The following DENND1A variants were observed in gnomAD, a reference collection of about 807,000 sequenced individuals.
DENND1A encodes DENN domain containing 1A.
In DENND1A, 51 loss-of-function variants were observed where a neutral mutation model predicts 113.7. That is an observed-to-expected ratio of 0.45 (90% confidence interval 0.36 to 0.57). DENND1A has a LOEUF of 0.57. Ranked by LOEUF, DENND1A falls within the 20% of genes least tolerant of loss-of-function variation. The pLI is 0.00. For missense variants in DENND1A, 1,258 were observed against 1,395.9 expected (o/e 0.90, Z 1.57); for synonymous variants, 565 against 570.8 (o/e 0.99, Z 0.14).
At chr9:123,789,186 C>T (rs1328482230) in intron 3 of DENND1A, among the ~76,000 whole-genome samples, 8 of 151,400 alleles carry the variant, frequency 5.3e-5, no homozygotes, top group Non-Finnish European at 2.9e-5. Flanking sequence ...TTGAGTGCTA[C>T]AGTGATTTAA....
At chr9:123,912,481 T>C (rs1854188258) in intron 1 of DENND1A, among the ~76,000 whole-genome samples, 1 of 152,070 alleles carries the variant, frequency 6.6e-6, no homozygotes. Flanking sequence ...GGGCAGCTAA[T>C]AAGTCAAAAA....
In DENND1A at chr9:123,381,008, C is replaced by G. The variant is rs7869767; in HGVS notation, c.*424G>C. The stretch of plus-strand genomic sequence containing the variant: ...GGAGGGTAACCCTGTCACCTGTGTC[C>G]GAGGAGGTGGGCGTGCAGGGCCTGG... On this transcript the variant is annotated 3_prime_UTR_variant, in exon 24 of 24. Coordinates refer to ENST00000394215, the MANE Select transcript of DENND1A (RefSeq NM_001352964.2). The surrounding 1 kb of genome is among the most constrained non-coding windows in gnomAD (Gnocchi z 4.7). 1 of 203,754 alleles carries G rather than the reference C, an allele frequency of 4.9e-6. No individual in the cohort carries two copies. The highest frequency in any genetic ancestry group is 1.0e-5 in the Non-Finnish European group (1 of 100,336). The allele number at this position is 203,754 out of a possible 1,614,324, so 12.6% of individuals were successfully genotyped here.
At chr9:123,902,272 A>G (rs1851795300) in intron 1 of DENND1A, among the ~76,000 whole-genome samples, 1 of 152,134 alleles carries the variant, frequency 6.6e-6, no homozygotes, top group African/African-American at 2.4e-5. Flanking sequence ...CTCTTGAATT[A>G]AAATTAGTTA....
At chr9:123,440,631 G>A (rs2046861271) in intron 18 of DENND1A, 140 bp from the exon 19 acceptor site, 2 of 1,179,400 alleles carry the variant, frequency 1.7e-6, no homozygotes, top group East Asian at 3.1e-5. Flanking sequence ...TGGAGGGAAT[G>A]GAGGGCTAAC....
chr9:123,631,450 C>T (rs1309910555), intron 9 of DENND1A, among the ~76,000 whole-genome samples: 1 of 152,122 alleles, frequency 6.6e-6, no homozygotes, highest in African/African-American at 2.4e-5. Context: ...GCAAAGAATA[C>T]CCAGCCTTTG....
chr9:123,413,352 T>C, intron 19 of DENND1A: 6 of 901,562 alleles, frequency 6.7e-6, no homozygotes, highest in Non-Finnish European at 6.6e-6. Flanking sequence ...CACCTGTTTA[T>C]GTTTCACATT....
rs74421870 is a variant in DENND1A, at chr9:123,699,693, T to C, written c.303-22904A>G. On this transcript the variant is annotated intron_variant, in intron 5 of 23. Coordinates refer to ENST00000394215, the MANE Select transcript of DENND1A (RefSeq NM_001352964.2). Reference sequence around the variant, plus strand: ...TACCCTTTCATTCTTTCTTTCTTTTTTTTTTTTTTTTTTTTTTTATTGGAG... The same window carrying C: ...TACCCTTTCATTCTTTCTTTCTTTTCTTTTTTTTTTTTTTTTTTATTGGAG... 4.5e-3 allele frequency among the ~76,000 whole-genome samples: 466 copies of C among 103,272 alleles called. 3 individuals are homozygous for C. The highest frequency in any genetic ancestry group is 7.7e-3 in the South Asian group (29 of 3,762). 67.8% of individuals were successfully genotyped at this position (103,272 alleles called of 152,430 possible). A position where few individuals can be genotyped will look rare whatever the true frequency, so the allele number is the denominator to read the frequency against.
At chr9:123,733,208 C>T (rs2068308916) in intron 5 of DENND1A, among the ~76,000 whole-genome samples, 1 of 151,884 alleles carries the variant, frequency 6.6e-6, no homozygotes, top group African/African-American at 2.4e-5. Flanking sequence ...CTCAAACTCC[C>T]AACCTCAGGT....
At chr9:123,425,435 C>T (rs138844661) in intron 19 of DENND1A, among the ~76,000 whole-genome samples, 3 of 152,384 alleles carry the variant, frequency 2.0e-5, no homozygotes, top group Admixed American at 6.5e-5. Flanking sequence ...AACCTGGCGC[C>T]GCGTGCGGGG....
chr9:123,444,165 T>C (rs1368027807), intron 18 of DENND1A, among the ~76,000 whole-genome samples: 1 of 152,222 alleles, frequency 6.6e-6, no homozygotes, highest in East Asian at 1.9e-4. Flanking sequence ...GCAATTTATA[T>C]GAAAAACCTA....
chr9:123,480,584 A>G (rs1180122101), intron 13 of DENND1A, among the ~76,000 whole-genome samples: 1 of 152,194 alleles, frequency 6.6e-6, no homozygotes, highest in Non-Finnish European at 1.5e-5. Flanking sequence ...CCATAGTTCC[A>G]GGAAGCTGTC....
At chr9:123,514,094 GTGTATGTGTGTGTGT>G (rs2053683253) in intron 13 of DENND1A, among the ~76,000 whole-genome samples, 1 of 46,452 alleles carries the variant, frequency 2.2e-5, no homozygotes, top group Non-Finnish European at 7.3e-5. Context: ...GTGTGTGTGT[GTGTATGTGTGTGTGT>G]CTGTGTGTGT....
At chr9:123,526,170 T>TGC (rs979678283) in intron 13 of DENND1A, among the ~76,000 whole-genome samples, 41 of 87,158 alleles carry the variant, frequency 4.7e-4, no homozygotes, top group African/African-American at 1.4e-3. Flanking sequence ...CCTGCACATG[T>TGC]GCACACACAC....
chr9:123,550,372 C>T (rs1454981491), intron 13 of DENND1A, among the ~76,000 whole-genome samples: 1 of 152,248 alleles, frequency 6.6e-6, no homozygotes, highest in East Asian at 1.9e-4. Context: ...GAGGGCCACA[C>T]AAGCTAGCTG....
At chr9:123,853,515 T>TACAAAAATACAGAAAATA (rs1456568174) in intron 2 of DENND1A, among the ~76,000 whole-genome samples, 7 of 151,702 alleles carry the variant, frequency 4.6e-5, no homozygotes, top group Non-Finnish European at 1.0e-4. Context: ...AATACAGAAA[T>TACAAAAATACAGAAAATA]TAGCCAGGCA....
intron 13 of DENND1A, among the ~76,000 whole-genome samples, chr9:123,465,021 T>C (rs938479617): frequency 7.4e-5 from 6 of 80,770 alleles, no homozygotes; most frequent in African/African-American, 1.4e-4. Context: ...AAAAAAAAAT[T>C]AGCCAGGCGT....
chr9:123,504,746 G>A (rs2052770518), intron 13 of DENND1A, among the ~76,000 whole-genome samples: 2 of 152,166 alleles, frequency 1.3e-5, no homozygotes. Context: ...CACTCCTGAT[G>A]CCCAGGCCAG....
chr9:123,564,024 C>T (rs554732137), intron 12 of DENND1A, among the ~76,000 whole-genome samples: 47 of 152,190 alleles, frequency 3.1e-4, no homozygotes, highest in African/African-American at 1.1e-3. Flanking sequence ...GTGCTGGAAA[C>T]GGAACTGCAG....
At chr9:123,916,735 G>A (rs764044397) in intron 1 of DENND1A, among the ~76,000 whole-genome samples, 8 of 152,112 alleles carry the variant, frequency 5.3e-5, no homozygotes, top group Non-Finnish European at 1.0e-4. Flanking sequence ...ACCTATGTCA[G>A]GGAAGGAACA....
Sources: gnomAD v4.1 joint callset for allele counts (sites outside exome capture counted in the v4.1 genomes callset) on GRCh38, gnomAD v4.1.1 for gene constraint, Gnocchi (gnomAD v3.1) non-coding constraint, MANE v1.5 for transcripts, NCBI Gene and HGNC (gene_info 2026-07-23, HGNC 2026-07-21) for gene names.